Variants in KCNQ3 observed in about 807,000 individuals in gnomAD.
The protein encoded by KCNQ3 is potassium voltage-gated channel subfamily Q member 3.
In KCNQ3, 30 loss-of-function variants were observed where a neutral mutation model predicts 92.5. The ratio of observed to expected loss-of-function variants is 0.32; its 90% confidence interval spans 0.24 to 0.44. The LOEUF (loss-of-function observed/expected upper bound fraction) is 0.44. Ranked by LOEUF, KCNQ3 falls within the 20% of genes least tolerant of loss-of-function variation. The pLI is 1.00. For missense variants in KCNQ3, 913 were observed against 1,140.3 expected (o/e 0.80, Z 2.87); for synonymous variants, 450 against 468.8 (o/e 0.96, Z 0.52).
intron 1 of KCNQ3, among the ~76,000 whole-genome samples, chr8:132,268,601 T>C (rs748912974): frequency 1.3e-5 from 2 of 152,232 alleles, no homozygotes; most frequent in Admixed American, 1.3e-4. Flanking sequence ...ATTGTCTGAA[T>C]ATGCCCACGT....
chr8:132,374,883 T>G (rs1280972579), intron 1 of KCNQ3, among the ~76,000 whole-genome samples: 2 of 152,214 alleles, frequency 1.3e-5, no homozygotes, highest in Non-Finnish European at 2.9e-5. Context: ...CTGCATAGTA[T>G]TCCATCGTGT....
chr8:132,455,522 C>T (rs1257964477), intron 1 of KCNQ3, among the ~76,000 whole-genome samples: 1 of 152,234 alleles, frequency 6.6e-6, no homozygotes, highest in Non-Finnish European at 1.5e-5. Flanking sequence ...CCCTGTACCT[C>T]CATTTAGATT....
chr8:132,275,319 T>C (rs1318015084), intron 1 of KCNQ3, among the ~76,000 whole-genome samples: 2 of 152,178 alleles, frequency 1.3e-5, no homozygotes, highest in Non-Finnish European at 2.9e-5. Flanking sequence ...AATGAATAAT[T>C]GCTATTATTT....
chr8:132,402,469 C>A (rs1273436799), intron 1 of KCNQ3, among the ~76,000 whole-genome samples: 3 of 152,164 alleles, frequency 2.0e-5, no homozygotes, highest in African/African-American at 4.8e-5. Flanking sequence ...TGGGTAAGGT[C>A]TTTCGTGTAT....
chr8:132,148,659 CCA>C (rs1825536837), intron 9 of KCNQ3, among the ~76,000 whole-genome samples: 1 of 152,210 alleles, frequency 6.6e-6, no homozygotes, highest in Non-Finnish European at 1.5e-5. Context: ...TCAGCCTTCA[CCA>C]ATGTGGATGG....
At chr8:132,152,416 T>C (rs1825666498) in intron 9 of KCNQ3, among the ~76,000 whole-genome samples, 1 of 152,242 alleles carries the variant, frequency 6.6e-6, no homozygotes, top group Admixed American at 6.5e-5. Flanking sequence ...CATGTTTCTT[T>C]CTGTCTGCCT....
chr8:132,463,407 G>C (rs1299943482), intron 1 of KCNQ3, among the ~76,000 whole-genome samples: 2 of 152,208 alleles, frequency 1.3e-5, no homozygotes, highest in Non-Finnish European at 2.9e-5. Flanking sequence ...GCATCCTGCA[G>C]AATTCATTTT....
rs1413695252 is a variant in KCNQ3 at position 132,168,715 on chromosome 8, ATATGTGTGTGTG to A, written c.1235+1607_1235+1618del. On this transcript the variant is annotated intron_variant, in intron 8 of 14. Coordinates refer to ENST00000388996, the MANE Select transcript of KCNQ3 (RefSeq NM_004519.4). Reference sequence around the variant, plus strand: ...TAGAAAGAGAAATTGAGGATAATGAATATGTGTGTGTGTGTGTGTGTGTGTGTGTGTGTGTGT... The same window carrying A: ...TAGAAAGAGAAATTGAGGATAATGAATGTGTGTGTGTGTGTGTGTGTGTGT... Among the ~76,000 whole-genome samples the A allele has an allele frequency of 8.4e-3, 1,132 of 134,498 alleles. 29 individuals carry two copies. Among genetic ancestry groups the A allele is most frequent in the African/African-American group, 0.029 (1,016 of 35,236 alleles). 88.2% of individuals were successfully genotyped at this position (134,498 alleles called of 152,430 possible).
intron 1 of KCNQ3, among the ~76,000 whole-genome samples, chr8:132,443,699 C>T (rs1260193733): frequency 3.9e-5 from 6 of 151,992 alleles, no homozygotes; most frequent in Non-Finnish European, 5.9e-5. Flanking sequence ...TTTTTTGTTG[C>T]ATTTTGTTTC....
intron 1 of KCNQ3, among the ~76,000 whole-genome samples, chr8:132,390,456 TA>T (rs1205319162): frequency 6.6e-6 from 1 of 152,122 alleles, no homozygotes; most frequent in African/African-American, 2.4e-5. Flanking sequence ...TAATACACCA[TA>T]AAAAATGATA....
At chr8:132,319,120 G>A (rs1296839807) in intron 1 of KCNQ3, among the ~76,000 whole-genome samples, 1 of 152,192 alleles carries the variant, frequency 6.6e-6, no homozygotes, top group Non-Finnish European at 1.5e-5. Context: ...CATGTCTGGG[G>A]GAAAGGAGGG....
chr8:132,312,638 G>A (rs1817628307), intron 1 of KCNQ3, among the ~76,000 whole-genome samples: 1 of 152,192 alleles, frequency 6.6e-6, no homozygotes, highest in South Asian at 2.1e-4. Flanking sequence ...GGTAGGAGGT[G>A]ACTGGATCAT....
intron 1 of KCNQ3, among the ~76,000 whole-genome samples, chr8:132,325,089 G>T (rs1362174637): frequency 6.6e-6 from 1 of 151,954 alleles, no homozygotes; most frequent in Non-Finnish European, 1.5e-5. Flanking sequence ...CTTGGTAGGA[G>T]CCCTGGAGTG....
At chr8:132,264,551 G>C (rs1586877948) in intron 1 of KCNQ3, among the ~76,000 whole-genome samples, 1 of 152,222 alleles carries the variant, frequency 6.6e-6, no homozygotes, top group South Asian at 2.1e-4. Flanking sequence ...CCAGGCAGGG[G>C]TTCCTCCTTG....
intron 1 of KCNQ3, among the ~76,000 whole-genome samples, chr8:132,432,872 G>A (rs1821289010): frequency 6.6e-6 from 1 of 152,178 alleles, no homozygotes; most frequent in Non-Finnish European, 1.5e-5. Flanking sequence ...AGAGCTGAAG[G>A]AGAATTTGGT....
At position 132,127,810 on chromosome 8, in the gene KCNQ3, C is replaced by G. The variant is rs1046564509; in HGVS notation, c.*1452G>C. The G allele has an allele frequency of 1.3e-5, 2 of 152,202 alleles. No homozygotes were observed. Among genetic ancestry groups the G allele is most frequent in the Non-Finnish European group, 2.9e-5 (2 of 68,038 alleles). The allele number at this position is 152,202 out of a possible 1,614,324, so 9.4% of individuals were successfully genotyped here. On this transcript the variant is annotated 3_prime_UTR_variant, in exon 15 of 15. Transcript: ENST00000388996. The stretch of plus-strand genomic sequence containing the variant: ...ATAAGAGGCCAGAGGATGGCTTGTG[C>G]TTAATATCACACCTGTACAGTAGGG...
intron 1 of KCNQ3, among the ~76,000 whole-genome samples, chr8:132,202,479 C>G (rs536912660): frequency 6.6e-6 from 1 of 152,194 alleles, no homozygotes; most frequent in East Asian, 1.9e-4. Context: ...TAATTTGACT[C>G]ATTTCTTTTT....
At chr8:132,255,449 G>A (rs772462244) in intron 1 of KCNQ3, among the ~76,000 whole-genome samples, 3 of 152,146 alleles carry the variant, frequency 2.0e-5, no homozygotes, top group Non-Finnish European at 4.4e-5. Flanking sequence ...AACTTAAAAG[G>A]AAAATCTGTG....
At chr8:132,294,076 C>T (rs1816946353) in intron 1 of KCNQ3, among the ~76,000 whole-genome samples, 1 of 146,778 alleles carries the variant, frequency 6.8e-6, no homozygotes, top group South Asian at 2.3e-4. Context: ...TCTCAGCTCA[C>T]TGCAACCTCC....
Sources: gnomAD v4.1 joint callset for allele counts (sites outside exome capture counted in the v4.1 genomes callset) on GRCh38, gnomAD v4.1.1 for gene constraint, MANE v1.5 for transcripts, NCBI Gene and HGNC (gene_info 2026-07-23, HGNC 2026-07-21) for gene names.